The following FAM184A variants were observed in gnomAD, a reference collection of about 807,000 sequenced individuals.
FAM184A encodes the protein protein FAM184A.
Under a neutral mutation model 143.8 loss-of-function variants are expected in FAM184A, and 99 were observed. That is an observed-to-expected ratio of 0.69 (90% CI 0.58 to 0.81). The LOEUF is 0.81. Ranked by LOEUF, FAM184A falls within the 40% of genes least tolerant of loss-of-function variation. The pLI is 0.00. For synonymous variants in FAM184A, 427 were observed against 446.4 expected, an observed-to-expected ratio of 0.96 and a Z score of 0.55; for missense variants, 1,217 against 1,310.5, an observed-to-expected ratio of 0.93 and a Z score of 1.10.
chr6:119,069,293 T>C (rs1474457038), intron 1 of FAM184A: 3 of 166,264 alleles, frequency 1.8e-5, no homozygotes, highest in African/African-American at 7.2e-5. Context: ...GAGTAGACCA[T>C]TAAACACACA....
At chr6:119,120,831 T>TCTTTCTTC (rs1789192306) in intron 1 of FAM184A, among the ~76,000 whole-genome samples, 1 of 133,950 alleles carries the variant, frequency 7.5e-6, no homozygotes, top group African/African-American at 3.2e-5. Context: ...TTTCTTCCTT[T>TCTTTCTTC]CTTTCTTTCT....
chr6:119,024,780 G>A lies in FAM184A; in HGVS notation c.193C>T (p.His65Tyr). ...TTGAGGGCTTGAATTGCAGATTCAT[G>A]CTCATCATTTTTAGTGTTTAAAGCA... ...IYALNTKNDE[H>Y]ESAIQALKDA... The change falls in exon 2 of 18, where the codon CAT (histidine) becomes TAT (tyrosine). Residue 65 changes from histidine to tyrosine, a missense_variant. Coordinates refer to ENST00000338891, the MANE Select transcript of FAM184A (RefSeq NM_024581.6). 6.2e-7 allele frequency: 1 copy of A among 1,610,818 alleles called. No homozygotes were observed. The highest frequency in any genetic ancestry group is 8.5e-7 in the Non-Finnish European group (1 of 1,179,248).
chr6:119,144,392 G>A (rs371571109), intron 1 of FAM184A, among the ~76,000 whole-genome samples: 7 of 151,910 alleles, frequency 4.6e-5, no homozygotes, highest in African/African-American at 1.2e-4. Flanking sequence ...TGCGTCCTAT[G>A]GAAGCATTCA....
At chr6:119,134,217 G>A (rs1789604933) in intron 1 of FAM184A, among the ~76,000 whole-genome samples, 1 of 151,890 alleles carries the variant, frequency 6.6e-6, no homozygotes, top group South Asian at 2.1e-4. Flanking sequence ...TACAAAAATG[G>A]GGAAAACACA....
chr6:119,059,989 G>A (rs563852649), intron 1 of FAM184A, among the ~76,000 whole-genome samples: 4 of 152,174 alleles, frequency 2.6e-5, no homozygotes, highest in Admixed American at 6.5e-5. Context: ...CATTTAATAG[G>A]TATAAATTGG....
chr6:119,001,278 C>T (rs920183818), intron 9 of FAM184A, among the ~76,000 whole-genome samples: 4 of 151,010 alleles, frequency 2.6e-5, no homozygotes, highest in South Asian at 2.1e-4. Flanking sequence ...TATGGCAATG[C>T]GTGTGCCTAA....
At position 119,024,003 on chromosome 6, in the gene FAM184A, G is replaced by C; in HGVS notation, c.970C>G (p.Gln324Glu). ...DEAGSLLDKC[Q>E]KLQTALAIAE... ...ATGGCAAGTGCCGTCTGAAGCTTTT[G>C]GCATTTGTCAAGAAGACTTCCAGCT... Residue 324 changes from glutamine to glutamate, a missense_variant, in exon 2 of 18, where the codon CAA (glutamine) becomes GAA (glutamate). By Grantham distance (29) the Gln-to-Glu change is conservative. Coordinates refer to ENST00000338891, the MANE Select transcript of FAM184A (RefSeq NM_024581.6). 1 of 1,607,942 alleles carries C rather than the reference G, an allele frequency of 6.2e-7. No individual in the cohort carries two copies. The highest frequency in any genetic ancestry group is 2.2e-5 in the East Asian group (1 of 44,852).
Position 119,113,228 on chromosome 6 carries a change from C to T in FAM184A, c.-202+35850G>A, listed in dbSNP as rs146743396. Among the ~76,000 whole-genome samples, 107 of 152,274 alleles carry T rather than the reference C, an allele frequency of 7.0e-4. 2 individuals carry two copies. In the East Asian group the frequency reaches 0.017, roughly 25 times the overall value. The stretch of plus-strand genomic sequence containing the variant: ...AAAAAAAAATGCTCTCATTATGTTC[C>T]TGAAACATTACAACTGTGGCCAGGA... On this transcript the variant is annotated intron_variant, in intron 1 of 16. Coordinates refer to the FAM184A transcript ENST00000352896.
chr6:119,112,348 G>A (rs1296498827), intron 1 of FAM184A, among the ~76,000 whole-genome samples: 1 of 152,002 alleles, frequency 6.6e-6, no homozygotes, highest in Non-Finnish European at 1.5e-5. Flanking sequence ...AGCTGGTCTC[G>A]AACTCCCAAC....
chr6:118,990,683 T>A (rs1784350598), intron 9 of FAM184A, among the ~76,000 whole-genome samples: 1 of 149,828 alleles, frequency 6.7e-6, no homozygotes. Flanking sequence ...CTGGCCAACA[T>A]GGCGAAACCT....
chr6:119,129,988 C>A (rs1330436168), intron 1 of FAM184A, among the ~76,000 whole-genome samples: 1 of 152,154 alleles, frequency 6.6e-6, no homozygotes, highest in African/African-American at 2.4e-5. Context: ...GGACACACTG[C>A]AAGTTCCTAG....
chr6:119,136,415 G>T (rs1582646767), intron 1 of FAM184A, among the ~76,000 whole-genome samples: 2 of 150,928 alleles, frequency 1.3e-5, no homozygotes, highest in Admixed American at 1.3e-4. Flanking sequence ...ATATGTGTAT[G>T]TATTTTAGTT....
chr6:119,003,742 T>C (rs1784837778), intron 7 of FAM184A, 120 bp from the exon 8 acceptor site: 1 of 905,652 alleles, frequency 1.1e-6, no homozygotes, highest in Admixed American at 3.8e-5. Flanking sequence ...AGCCCAATAC[T>C]TGATAATGCT....
chr6:119,028,291 C>T (rs1390978595), intron 1 of FAM184A, among the ~76,000 whole-genome samples: 2 of 152,208 alleles, frequency 1.3e-5, no homozygotes, highest in Admixed American at 1.3e-4. Flanking sequence ...AACAGCAGAG[C>T]TCCTAAATCC....
In FAM184A at chr6:119,016,712, T is replaced by A. The variant is rs556473306; in HGVS notation, c.1530+35A>T. 3.3e-5 allele frequency: 51 copies of A among 1,544,254 alleles called. No homozygotes were observed. The South Asian group carries it at 5.5e-4, about 17-fold the overall frequency. ...CACACTACTACAGAAATATCATCAA[T>A]TTACAATGCAATGATAAATTAAATT... On this transcript the variant is annotated intron_variant, in intron 5 of 17. Transcript: ENST00000338891.
intron 1 of FAM184A, among the ~76,000 whole-genome samples, chr6:119,090,539 A>G (rs908845273): frequency 1.1e-4 from 17 of 152,326 alleles, no homozygotes; most frequent in South Asian, 1.0e-3. Context: ...AGTATCTCCT[A>G]CAATCTATCC....
intron 1 of FAM184A, among the ~76,000 whole-genome samples, chr6:119,054,721 T>G (rs1786893609): frequency 6.6e-6 from 1 of 152,156 alleles, no homozygotes; most frequent in South Asian, 2.1e-4. Context: ...TAAACCTAAG[T>G]GGCCCACCAA....
chr6:119,023,554 C>A (rs1785522484), intron 2 of FAM184A, among the ~76,000 whole-genome samples: 1 of 80,034 alleles, frequency 1.2e-5, no homozygotes, highest in Non-Finnish European at 2.4e-5. Context: ...CAATATTGTC[C>A]GCCCCCCCCC....
At chr6:119,064,153 C>T (rs1190700252) in intron 1 of FAM184A, among the ~76,000 whole-genome samples, 1 of 152,160 alleles carries the variant, frequency 6.6e-6, no homozygotes, top group East Asian at 1.9e-4. Context: ...TCCTCTCAAT[C>T]CCTAAGTTTT....
Sources: gnomAD v4.1 joint callset for allele counts (sites outside exome capture counted in the v4.1 genomes callset) on GRCh38, gnomAD v4.1.1 for gene constraint, MANE v1.5 for transcripts, NCBI Gene and HGNC (gene_info 2026-07-23, HGNC 2026-07-21) for gene names.